Variants in MBOAT2 observed in about 807,000 individuals in gnomAD.
The protein encoded by MBOAT2 is membrane-bound glycerophospholipid O-acyltransferase 2.
A neutral mutation model predicts 63.4 loss-of-function variants in MBOAT2; 28 were observed. The ratio of observed to expected loss-of-function variants is 0.44; its 90% CI spans 0.33 to 0.61. The LOEUF (loss-of-function observed/expected upper bound fraction) is 0.61, where lower values mean the gene tolerates loss of function less well. Among genes scored for constraint, MBOAT2 ranks in the 20% least tolerant of loss-of-function variants. The probability of loss-of-function intolerance (pLI) is 0.03; values close to 1 mark genes in which losing one functional copy is unlikely to be tolerated. For synonymous variants in MBOAT2, 211 were observed against 215.6 expected (o/e 0.98, Z 0.19); for missense variants, 470 against 605.8 (o/e 0.78, Z 2.35).
At chr2:8,878,939 A>G (rs947863272) in intron 6 of MBOAT2, among the ~76,000 whole-genome samples, 1 of 150,810 alleles carries the variant, frequency 6.6e-6, no homozygotes, top group Non-Finnish European at 1.5e-5. Context: ...AGCCGGGCGT[A>G]GTGGCGGGCG....
chr2:8,902,897 T>C (rs1558595507), intron 4 of MBOAT2, among the ~76,000 whole-genome samples: 1 of 152,168 alleles, frequency 6.6e-6, no homozygotes. Flanking sequence ...GTGGCCTGCT[T>C]TTATTCCCTT....
chr2:8,974,695 T>C (rs965810261), intron 1 of MBOAT2, among the ~76,000 whole-genome samples: 39 of 152,166 alleles, frequency 2.6e-4, no homozygotes, highest in Admixed American at 7.9e-4. Flanking sequence ...TTCATGGGCA[T>C]TTATTATCTA....
rs1054551595 is a variant in MBOAT2, at chr2:8,855,948, CCTTT to C, written c.*2727_*2730del. 44 of 152,060 alleles carry C rather than the reference CCTTT, an allele frequency of 2.9e-4. No homozygotes were observed. Among genetic ancestry groups the C allele is most frequent in the African/African-American group, 1.0e-3 (42 of 41,464 alleles). 9.4% of individuals were successfully genotyped at this position (152,060 alleles called of 1,614,324 possible). On this transcript the variant is annotated 3_prime_UTR_variant, in exon 13 of 13. Coordinates refer to ENST00000305997, the MANE Select transcript of MBOAT2 (RefSeq NM_138799.4). ...AGCAAGCACATAATACAACGAATCC[CCTTT>C]CTATTTAACAGGAGTAGACGTACCA... is the stretch of plus-strand genomic sequence containing the variant.
In MBOAT2 at chr2:8,862,277, T is replaced by C. The variant is rs1044149495; in HGVS notation, c.1185+313A>G. 5.3e-6 allele frequency: 7 copies of C among 1,309,500 alleles called. No individual in the cohort carries two copies. In the East Asian group the frequency reaches 2.9e-4, roughly 55 times the overall value. 81.1% of individuals were successfully genotyped at this position (1,309,500 alleles called of 1,614,324 possible). On this transcript the variant is annotated intron_variant, in intron 11 of 12. Transcript: ENST00000305997. This position sits in a 1 kb window ranked among gnomAD's most constrained non-coding sequence, Gnocchi z 4.3. Reference sequence around the variant, plus strand: ...ATTTCTAAAATAAACCTACCCATTCTGATCATCTTTATTTAACTCAGTTTT... The same window carrying C: ...ATTTCTAAAATAAACCTACCCATTCCGATCATCTTTATTTAACTCAGTTTT...
intron 4 of MBOAT2, among the ~76,000 whole-genome samples, chr2:8,892,783 G>A (rs1429937954): frequency 6.6e-6 from 1 of 152,100 alleles, no homozygotes; most frequent in African/African-American, 2.4e-5. Context: ...ATTCCAGGAA[G>A]AGAGAAAAGT....
At chr2:8,962,569 G>C (rs1669690150) in intron 1 of MBOAT2, among the ~76,000 whole-genome samples, 1 of 152,170 alleles carries the variant, frequency 6.6e-6, no homozygotes, top group African/African-American at 2.4e-5. Flanking sequence ...AAATTACCCT[G>C]CCAGTCCATG....
At chr2:8,897,724 AG>A (rs1282785504) in intron 4 of MBOAT2, among the ~76,000 whole-genome samples, 1 of 152,190 alleles carries the variant, frequency 6.6e-6, no homozygotes, top group African/African-American at 2.4e-5. Flanking sequence ...GGATTAGCTA[AG>A]GGGACTTCTA....
At chr2:8,886,413 C>T (rs1663555118) in intron 5 of MBOAT2, among the ~76,000 whole-genome samples, 1 of 152,170 alleles carries the variant, frequency 6.6e-6, no homozygotes, top group Non-Finnish European at 1.5e-5. Flanking sequence ...GTCTTGGGGT[C>T]CCCCAATACA....
chr2:8,922,697 T>C (rs2148611554), intron 3 of MBOAT2, among the ~76,000 whole-genome samples: 1 of 152,342 alleles, frequency 6.6e-6, no homozygotes, highest in East Asian at 1.9e-4. Context: ...TTCCATCCTT[T>C]TTCCAGTCAA....
chr2:9,001,393 C>T (rs1335030350), intron 1 of MBOAT2, among the ~76,000 whole-genome samples: 1 of 152,150 alleles, frequency 6.6e-6, no homozygotes, highest in African/African-American at 2.4e-5. Flanking sequence ...TTTACACTGG[C>T]ATCACCACAA....
At chr2:8,993,477 G>T (rs576382229) in intron 1 of MBOAT2, among the ~76,000 whole-genome samples, 12 of 152,190 alleles carry the variant, frequency 7.9e-5, no homozygotes, top group Admixed American at 3.3e-4. Flanking sequence ...GGAGAAGCTT[G>T]TTGGCCAGTG....
intron 3 of MBOAT2, among the ~76,000 whole-genome samples, chr2:8,941,668 A>G (rs979810324): frequency 2.6e-5 from 4 of 152,002 alleles, no homozygotes; most frequent in Non-Finnish European, 5.9e-5. Flanking sequence ...AAAAAAAAAA[A>G]GAAATGTGGC....
chr2:8,932,449 C>G (rs1667388245), intron 3 of MBOAT2, among the ~76,000 whole-genome samples: 1 of 152,154 alleles, frequency 6.6e-6, no homozygotes, highest in Non-Finnish European at 1.5e-5. Flanking sequence ...AATACAATGT[C>G]TCAATGGTGC....
Position 8,858,841 on chromosome 2 carries a change from T to C in MBOAT2, c.1401A>G (p.Lys467=), listed in dbSNP as rs35943010. 3.0e-3 allele frequency: 4,809 copies of C among 1,613,866 alleles called. 50 individuals are homozygous for C. The highest frequency in any genetic ancestry group is 0.018 in the African/African-American group (1,330 of 75,034). The change falls in exon 13 of 13, where the codon AAA becomes AAG. Residue 467 remains lysine, a synonymous_variant. Coordinates refer to ENST00000305997, the MANE Select transcript of MBOAT2 (RefSeq NM_138799.4). ...ILVLLLLPVK[K]TQRRKNTHEN... The stretch of plus-strand genomic sequence containing the variant: ...CATGTGTATTCTTTCTTCTTTGAGT[T>C]TTTTTCACTGGCAACAACAATAATA...
intron 3 of MBOAT2, among the ~76,000 whole-genome samples, chr2:8,912,351 G>GAA (rs1553362293): frequency 0.08 from 5,330 of 66,248 alleles, 134 homozygotes; most frequent in East Asian, 0.12. Context: ...AAGAAAGAAA[G>GAA]AGAAAGAAAG....
intron 1 of MBOAT2, among the ~76,000 whole-genome samples, chr2:8,975,752 A>T (rs1670766963): frequency 6.6e-6 from 1 of 151,072 alleles, no homozygotes; most frequent in African/African-American, 2.4e-5. Flanking sequence ...CCCCGCACTC[A>T]CAAAACTTAC....
At position 9,003,014 on chromosome 2, in the gene MBOAT2, G is replaced by C. The variant is rs1416431982; in HGVS notation, c.75+526C>G. On this transcript the variant is annotated intron_variant, in intron 1 of 12. Transcript: ENST00000305997. This position sits in a 1 kb window ranked among gnomAD's most constrained non-coding sequence, Gnocchi z 5.4. ...AGTGCAGTAGCGCTTAAGCCTCTCC[G>C]GGCCCCTAGCACCCATCGACGCCGT... is the stretch of plus-strand genomic sequence containing the variant. Among the ~76,000 whole-genome samples the C allele has an allele frequency of 1.3e-5, 2 of 152,022 alleles. No homozygotes were observed. The highest frequency in any genetic ancestry group is 4.8e-5 in the African/African-American group (2 of 41,398).
At chr2:8,947,107 T>C (rs115269836) in intron 2 of MBOAT2, among the ~76,000 whole-genome samples, 4 of 152,174 alleles carry the variant, frequency 2.6e-5, no homozygotes, top group Admixed American at 2.6e-4. Context: ...ACACAAATGG[T>C]AAGAAAGCAA....
intron 1 of MBOAT2, among the ~76,000 whole-genome samples, chr2:8,983,005 A>G (rs1036170860): frequency 6.6e-6 from 1 of 152,136 alleles, no homozygotes; most frequent in South Asian, 2.1e-4. Flanking sequence ...AGGTGTGTGC[A>G]CAGAATAGCC....
Sources: allele counts gnomAD v4.1 joint callset (sites outside exome capture counted in the v4.1 genomes callset), GRCh38; gene constraint gnomAD v4.1.1; non-coding constraint Gnocchi (gnomAD v3.1); transcripts MANE v1.5; gene names NCBI Gene and HGNC (gene_info 2026-07-23, HGNC 2026-07-21).